Variants in ICE1 observed in about 807,000 individuals in gnomAD.
ICE1 encodes interactor of little elongation complex ELL subunit 1.
A neutral mutation model predicts 192.7 loss-of-function variants in ICE1; 64 were observed. The ratio of observed to expected loss-of-function variants is 0.33; its 90% confidence interval spans 0.27 to 0.41. The LOEUF (loss-of-function observed/expected upper bound fraction) is 0.41. ICE1 is among the 10% of genes least tolerant of loss of function. The probability of loss-of-function intolerance (pLI) is 1.00; values close to 1 mark genes in which losing one functional copy is unlikely to be tolerated. For synonymous variants in ICE1, 1,010 were observed against 984.5 expected (o/e 1.03, Z -0.49); for missense variants, 2,708 against 2,696.0 (o/e 1.00, Z -0.10).
rs753652606 is a variant in ICE1 at position 5,461,137 on chromosome 5, G to A, written c.1803G>A (p.Gly601=). The change falls in exon 13 of 19, where the codon GGG becomes GGA. Residue 601 remains glycine, a synonymous_variant. Coordinates refer to ENST00000296564, the MANE Select transcript of ICE1 (RefSeq NM_015325.3). ...AAAAGGAAAAAGAAGATACTCAAGG[G>A]TTCACTTTAGGAGAATCACCTGAAT... The part of the protein sequence containing the change: ...ELEKEKEDTQ[G]FTLGESPESE... The A allele has an allele frequency of 9.4e-5, 151 of 1,613,876 alleles. 2 individuals are homozygous for A. In the Admixed American group the frequency reaches 2.5e-3, roughly 27 times the overall value.
intron 7 of ICE1, among the ~76,000 whole-genome samples, chr5:5,446,415 A>G (rs1390350636): frequency 6.6e-6 from 1 of 151,916 alleles, no homozygotes; most frequent in African/African-American, 2.4e-5. Flanking sequence ...CCACCTCCTG[A>G]GTAGCTGGGA....
intron 17 of ICE1, among the ~76,000 whole-genome samples, chr5:5,481,801 G>A (rs1739510048): frequency 6.6e-6 from 1 of 152,188 alleles, no homozygotes; most frequent in East Asian, 1.9e-4. Flanking sequence ...GCTTACTCAA[G>A]TGTTATAGTT....
intron 4 of ICE1, 72 bp from the exon 5 acceptor site, chr5:5,441,040 A>T (rs1738033515): frequency 1.1e-6 from 1 of 935,222 alleles, no homozygotes; most frequent in South Asian, 1.9e-5. Flanking sequence ...TAAAATCTGA[A>T]ATTATAAGCA....
chr5:5,441,715 A>G (rs1738059108), intron 5 of ICE1, among the ~76,000 whole-genome samples: 1 of 152,114 alleles, frequency 6.6e-6, no homozygotes, highest in Admixed American at 6.5e-5. Flanking sequence ...GATGTCCTTT[A>G]AAGAACCTAC....
intron 1 of ICE1, among the ~76,000 whole-genome samples, chr5:5,435,898 G>A (rs932483644): frequency 6.6e-6 from 1 of 151,942 alleles, no homozygotes; most frequent in African/African-American, 2.4e-5. Flanking sequence ...TTGAACTCCT[G>A]ACCTCAGGTA....
chr5:5,447,842 G>C lies in ICE1; in HGVS notation c.549G>C (p.Glu183Asp). 3 of 1,578,592 alleles carry C rather than the reference G, an allele frequency of 1.9e-6. No individual in the cohort carries two copies. In the South Asian group the frequency reaches 3.5e-5, roughly 18 times the overall value. The change falls in exon 10 of 19, where the codon GAG becomes GAC. Residue 183 changes from glutamate (E) to aspartate (D), a missense_variant and splice_region_variant. By Grantham distance (45) the Glu-to-Asp change is conservative (BLOSUM62 2). Transcript: ENST00000296564. ...DEFSKQKNEKELRHIGTQISS... is the reference protein window; with the variant it reads ...DEFSKQKNEKDLRHIGTQISS... ...ACCGTTTTTTCCCCATGCTTTTAGA[G>C]TTGAGACATATTGGAACACAAATTT...
rs750037593 is a variant in ICE1 at position 5,461,858 on chromosome 5, A to G, written c.2524A>G (p.Asn842Asp). The G allele has an allele frequency of 1.2e-6, 2 of 1,613,818 alleles. No homozygotes were observed. Among genetic ancestry groups the G allele is most frequent in the Non-Finnish European group, 8.5e-7 (1 of 1,179,732 alleles). Residue 842 changes from asparagine (N) to aspartate (D), a missense_variant, in exon 13 of 19, where the codon AAC becomes GAC. Transcript: ENST00000296564. ...CAAGCCTGATCTTCTTAGAGAAAATAACAATCCTGTAGAATTCAAGACCAC... is the reference window on the plus strand; with the variant it reads ...CAAGCCTGATCTTCTTAGAGAAAATGACAATCCTGTAGAATTCAAGACCAC... ...TPKPDLLREN[N>D]NPVEFKTTAS... is the part of the protein sequence containing the mutation.
At chr5:5,479,932 G>A (rs901828075) in intron 17 of ICE1, among the ~76,000 whole-genome samples, 1 of 152,050 alleles carries the variant, frequency 6.6e-6, no homozygotes, top group Non-Finnish European at 1.5e-5. Flanking sequence ...ACTGGGGCCT[G>A]TCGGGGCATG....
At chr5:5,453,132 T>G (rs966291464) in intron 10 of ICE1, among the ~76,000 whole-genome samples, 1 of 152,112 alleles carries the variant, frequency 6.6e-6, no homozygotes, top group African/African-American at 2.4e-5. Context: ...TGTTTGCTGC[T>G]TTGGGTATAC....
chr5:5,438,453 A>G (rs973728265), intron 3 of ICE1, among the ~76,000 whole-genome samples: 3 of 152,252 alleles, frequency 2.0e-5, no homozygotes, highest in Non-Finnish European at 2.9e-5. Flanking sequence ...AATAAAGGTC[A>G]TTGGAAATCT....
At chr5:5,428,598 TTGTCTCC>T (rs1361882618) in intron 1 of ICE1, among the ~76,000 whole-genome samples, 1 of 152,204 alleles carries the variant, frequency 6.6e-6, no homozygotes, top group Admixed American at 6.5e-5. Flanking sequence ...CACATACACT[TTGTCTCC>T]TGTACATGTT....
At chr5:5,483,168 T>G (rs1198886243) in intron 17 of ICE1, among the ~76,000 whole-genome samples, 2 of 151,406 alleles carry the variant, frequency 1.3e-5, no homozygotes, top group Non-Finnish European at 2.9e-5. Flanking sequence ...TTTTTTGTTG[T>G]TTTTTTTAGT....
At chr5:5,427,679 A>G (rs189902536) in intron 1 of ICE1, among the ~76,000 whole-genome samples, 1 of 152,320 alleles carries the variant, frequency 6.6e-6, no homozygotes, top group Admixed American at 6.5e-5. Flanking sequence ...TTCCAGACCT[A>G]TTGATTTAGA....
At chr5:5,478,881 A>G (rs1258416188) in intron 17 of ICE1, among the ~76,000 whole-genome samples, 8 of 152,224 alleles carry the variant, frequency 5.3e-5, no homozygotes, top group African/African-American at 1.9e-4. Context: ...GTGCTGGGAA[A>G]ACTGGCTAGC....
intron 15 of ICE1, among the ~76,000 whole-genome samples, chr5:5,471,491 A>G (rs1050925682): frequency 6.6e-6 from 1 of 152,158 alleles, no homozygotes; most frequent in African/African-American, 2.4e-5. Flanking sequence ...AAATGCTATA[A>G]GAAAGAGAAA....
chr5:5,454,619 A>G lies in ICE1; in HGVS notation c.672A>G (p.Glu224=), dbSNP rs1355442680. 6.2e-7 allele frequency: 1 copy of G among 1,613,316 alleles called. No homozygotes were observed. The highest frequency in any genetic ancestry group is 1.1e-5 in the South Asian group (1 of 90,994). Residue 224 remains glutamate, a synonymous_variant, in exon 11 of 19, where the codon GAA becomes GAG. Coordinates refer to ENST00000296564, the MANE Select transcript of ICE1 (RefSeq NM_015325.3). The part of the protein sequence containing the change: ...CVNTTHRLPG[E]GSRCVPEKPA... ...ACACAACACACAGACTACCTGGTGA[A>G]GGCAGCAGGTGTGTCCCAGGTGAGA... is the stretch of plus-strand genomic sequence containing the variant.
chr5:5,473,771 A>G (rs757878849), intron 16 of ICE1, 23 bp downstream of exon 16: 17 of 1,499,920 alleles, frequency 1.1e-5, no homozygotes, highest in Middle Eastern at 3.5e-4. Context: ...ACTAATTTAA[A>G]TAAAGATATG....
At chr5:5,448,983 C>T (rs963145225) in intron 10 of ICE1, among the ~76,000 whole-genome samples, 4 of 152,142 alleles carry the variant, frequency 2.6e-5, no homozygotes, top group African/African-American at 9.6e-5. Flanking sequence ...CTTTCCCATT[C>T]AGTAGTCAGC....
At chr5:5,440,457 A>ACAG (rs2111346707) in intron 4 of ICE1, among the ~76,000 whole-genome samples, 3 of 152,280 alleles carry the variant, frequency 2.0e-5, no homozygotes, top group African/African-American at 7.2e-5. Flanking sequence ...GAGTGATTTT[A>ACAG]CTGTAAAGTA....
Sources: gnomAD v4.1 joint callset for allele counts (sites outside exome capture counted in the v4.1 genomes callset) on GRCh38, gnomAD v4.1.1 for gene constraint, MANE v1.5 for transcripts, NCBI Gene and HGNC (gene_info 2026-07-23, HGNC 2026-07-21) for gene names.